CUL2: variants seen among roughly 807,000 people sequenced by gnomAD.
The protein encoded by CUL2 is cullin-2.
A neutral mutation model predicts 110.2 loss-of-function variants in CUL2; 22 were observed. The ratio of observed to expected loss-of-function variants is 0.20; its 90% CI spans 0.14 to 0.28. The LOEUF is 0.28. Ranked by LOEUF, CUL2 falls within the 10% of genes least tolerant of loss-of-function variation. The pLI is 1.00. For missense variants in CUL2, 631 were observed against 905.5 expected, an observed-to-expected ratio of 0.70 and a Z score of 3.89; for synonymous variants, 279 against 293.2, an observed-to-expected ratio of 0.95 and a Z score of 0.49.
At chr10:35,014,924 T>C (rs1345009413) in intron 18 of CUL2, among the ~76,000 whole-genome samples, 1 of 152,142 alleles carries the variant, frequency 6.6e-6, no homozygotes, top group African/African-American at 2.4e-5. Flanking sequence ...TAGCATGTTT[T>C]AGAAAAAAAT....
At chr10:35,018,619 C>T (rs934794685) in intron 17 of CUL2, among the ~76,000 whole-genome samples, 1 of 151,244 alleles carries the variant, frequency 6.6e-6, no homozygotes, top group African/African-American at 2.4e-5. Context: ...CAAAATTAGC[C>T]GGGTGTGGTG....
chr10:35,099,640 G>C (rs1261470203), intron 2 of CUL2: 1 of 152,104 alleles, frequency 6.6e-6, no homozygotes, highest in Non-Finnish European at 1.5e-5. Flanking sequence ...GCTGTGTGTG[G>C]TGGTGCATGC....
intron 17 of CUL2, among the ~76,000 whole-genome samples, chr10:35,019,479 C>T (rs1246045505): frequency 6.6e-6 from 1 of 152,028 alleles, no homozygotes; most frequent in Non-Finnish European, 1.5e-5. Flanking sequence ...TGGGAAGACA[C>T]GACAGGGGAA....
exon 1 of CUL2, chr10:35,126,628 A>C (rs1396543643): frequency 1.6e-4 from 25 of 152,274 alleles, no homozygotes; most frequent in Admixed American, 1.6e-3. Flanking sequence ...AGACCTGACA[A>C]CAGCCGTTAC....
intron 1 of CUL2, among the ~76,000 whole-genome samples, chr10:35,071,943 G>A (rs1476805014): frequency 6.6e-5 from 10 of 152,096 alleles, no homozygotes; most frequent in Admixed American, 5.2e-4. Flanking sequence ...TTAATATTGC[G>A]AGGGAAAGAA....
At chr10:35,092,249 C>T (rs1278287409), upstream of CUL2, among the ~76,000 whole-genome samples, 1 of 152,214 alleles carries the variant, frequency 6.6e-6, no homozygotes, top group East Asian at 1.9e-4. Flanking sequence ...AGCCACCATG[C>T]CTGGCCTCCT....
At chr10:35,063,914 G>A (rs1406803303) in intron 2 of CUL2, 1 of 152,090 alleles carries the variant, frequency 6.6e-6, no homozygotes, top group Non-Finnish European at 1.5e-5. Context: ...CTGGGAACTA[G>A]GTGTTTCATA....
At chr10:35,095,841 G>A (rs371051425) in intron 2 of CUL2, among the ~76,000 whole-genome samples, 2 of 152,084 alleles carry the variant, frequency 1.3e-5, no homozygotes, top group South Asian at 2.1e-4. Flanking sequence ...GATTACAGGC[G>A]TGAGCCACCA....
At chr10:35,075,584 T>G (rs1313174255) in intron 1 of CUL2, among the ~76,000 whole-genome samples, 1 of 150,550 alleles carries the variant, frequency 6.6e-6, no homozygotes, top group Non-Finnish European at 1.5e-5. Flanking sequence ...CTTGCAACAA[T>G]GGGGTTTTAG....
At chr10:35,033,073 C>T in intron 11 of CUL2, 93 bp downstream of exon 11, 1 of 584,764 alleles carries the variant, frequency 1.7e-6, no homozygotes. Context: ...ATGTCTACAT[C>T]AGAAACCTCA....
At chr10:35,034,152 T>C (rs2085555324) in intron 10 of CUL2, among the ~76,000 whole-genome samples, 1 of 152,234 alleles carries the variant, frequency 6.6e-6, no homozygotes, top group Non-Finnish European at 1.5e-5. Context: ...TCAGTTGGAT[T>C]TGAGTCTACC....
chr10:35,103,330 TTTA>T (rs1214004854), intron 1 of CUL2, among the ~76,000 whole-genome samples: 803 of 79,218 alleles, frequency 0.01, 53 homozygotes, highest in Non-Finnish European at 0.018. Context: ...TTTTTTTTTT[TTTA>T]TTTTTTTTTG....
At chr10:35,046,761 G>C (rs1018368862) in intron 6 of CUL2, among the ~76,000 whole-genome samples, 3 of 152,114 alleles carry the variant, frequency 2.0e-5, no homozygotes, top group Admixed American at 2.0e-4. Flanking sequence ...GCATGGTGGC[G>C]CATGTCTATA....
At chr10:35,089,559 G>A (rs1307524822) in intron 1 of CUL2, among the ~76,000 whole-genome samples, 1 of 152,218 alleles carries the variant, frequency 6.6e-6, no homozygotes, top group Admixed American at 6.5e-5. Context: ...GGGCAAAGAT[G>A]TGGACTTAAC....
intron 1 of CUL2, among the ~76,000 whole-genome samples, chr10:35,085,551 T>C (rs2087041669): frequency 1.3e-5 from 2 of 151,554 alleles, no homozygotes; most frequent in Admixed American, 1.3e-4. Flanking sequence ...AAGACCATCC[T>C]GGCTAACACG....
At chr10:35,097,198 A>G (rs1487174893) in intron 2 of CUL2, among the ~76,000 whole-genome samples, 2 of 152,164 alleles carry the variant, frequency 1.3e-5, no homozygotes, top group Non-Finnish European at 2.9e-5. Flanking sequence ...GTAGGTAACT[A>G]TTTGCTCACT....
chr10:35,009,486 T>C lies in CUL2; in HGVS notation c.*825A>G, dbSNP rs546580382. On this transcript the variant is annotated 3_prime_UTR_variant, in exon 21 of 21. Coordinates refer to ENST00000374749, the MANE Select transcript of CUL2 (RefSeq NM_003591.4). ...AGTCTATGCTAGAATTAATGGATTA[T>C]GCAACCGAAGAAAGACAACTTTTGA... is the stretch of plus-strand genomic sequence containing the variant. The C allele has an allele frequency of 2.3e-4, 35 of 151,748 alleles. No homozygotes were observed. The highest frequency in any genetic ancestry group is 8.0e-4 in the African/African-American group (33 of 41,100). The allele number at this position is 151,748 out of a possible 1,614,324, so 9.4% of individuals were successfully genotyped here. A position where few individuals can be genotyped will look rare whatever the true frequency, so the allele number is the denominator to read the frequency against.
At chr10:35,047,218 C>G (rs933542896) in intron 6 of CUL2, among the ~76,000 whole-genome samples, 1 of 152,154 alleles carries the variant, frequency 6.6e-6, no homozygotes, top group Non-Finnish European at 1.5e-5. Context: ...TGGCTCACAT[C>G]AGAAACCCTA....
rs576250449 is a variant in CUL2 at position 35,032,144 on chromosome 10, TATC to T, written c.1170+288_1170+290del. Among the ~76,000 whole-genome samples the T allele has an allele frequency of 2.1e-3, 327 of 152,350 alleles. 3 individuals are homozygous for T. Among genetic ancestry groups the T allele is most frequent in the Admixed American group, 4.0e-3 (61 of 15,300 alleles). On this transcript the variant is annotated intron_variant, in intron 12 of 20. Transcript: ENST00000374749. The stretch of plus-strand genomic sequence containing the variant: ...TTTCCTTCAAAGGTTACCCAAACTT[TATC>T]ATCAGATTTCCTTTAGATTTCAGAT...
Sources: allele counts gnomAD v4.1 joint callset (sites outside exome capture counted in the v4.1 genomes callset), GRCh38; gene constraint gnomAD v4.1.1; transcripts MANE v1.5; gene names NCBI Gene and HGNC (gene_info 2026-07-23, HGNC 2026-07-21).